Variants in RAPGEF6 observed in about 807,000 individuals in gnomAD.
RAPGEF6 encodes Rap guanine nucleotide exchange factor 6, also known as PDZ domain containing guanine nucleotide exchange factor (GEF) 2.
RAPGEF6 carries 56 observed loss-of-function variants against 171.4 expected under a neutral mutation model. That is an observed-to-expected ratio of 0.33 (90% CI 0.26 to 0.41). RAPGEF6 has a LOEUF of 0.41. RAPGEF6 is among the 10% of genes least tolerant of loss of function. The pLI is 1.00. For synonymous variants in RAPGEF6, 692 were observed against 650.1 expected (o/e 1.06, Z -0.98); for missense variants, 1,674 against 1,921.4 (o/e 0.87, Z 2.41).
intron 1 of RAPGEF6, among the ~76,000 whole-genome samples, chr5:131,615,571 G>C (rs542628698): frequency 6.6e-6 from 1 of 152,126 alleles, no homozygotes; most frequent in East Asian, 1.9e-4. Context: ...AATCATTTAC[G>C]CTGAATGCAC....
At chr5:131,530,216 A>T (rs1287340115) in intron 6 of RAPGEF6, among the ~76,000 whole-genome samples, 2 of 152,014 alleles carry the variant, frequency 1.3e-5, no homozygotes, top group African/African-American at 2.4e-5. Flanking sequence ...AAAAAAAAGC[A>T]TGAGCTCAGA....
Position 131,427,068 on chromosome 5 carries a change from A to G in RAPGEF6, c.*198T>C, listed in dbSNP as rs1751426119. On this transcript the variant is annotated 3_prime_UTR_variant, in exon 28 of 28. Transcript: ENST00000509018. The stretch of plus-strand genomic sequence containing the variant: ...TATCCAGGCATAGCATCCATTGCTC[A>G]GGAAACTATTTATCTGCAGAAATTA... The G allele has an allele frequency of 1.6e-5, 10 of 626,146 alleles. No individual in the cohort carries two copies. Among genetic ancestry groups the G allele is most frequent in the Non-Finnish European group, 2.8e-5 (10 of 355,286 alleles). 38.8% of individuals were successfully genotyped at this position (626,146 alleles called of 1,614,324 possible). A position where few individuals can be genotyped will look rare whatever the true frequency, so the allele number is the denominator to read the frequency against.
intron 21 of RAPGEF6, among the ~76,000 whole-genome samples, chr5:131,452,600 T>C (rs1753171357): frequency 6.6e-6 from 1 of 151,232 alleles, no homozygotes; most frequent in African/African-American, 2.4e-5. Context: ...ACAAGATGAA[T>C]ATCAGCAATT....
In RAPGEF6 at chr5:131,634,983, C is replaced by A; in HGVS notation, c.48G>T (p.Lys16Asn). ...DPGARQALRK[K>N]PPERTPEDLN... ...TCACCTCGGGAGTCCGCTCGGGTGG[C>A]TTCTTCCTCAACGCCTGCCTAGCGC... Residue 16 changes from lysine (K) to asparagine (N), a missense_variant, in exon 1 of 28, where the codon AAG becomes AAT. By Grantham distance (94) the Lys-to-Asn change is moderately conservative. Around this residue, in one of 3 missense-constraint regions of RAPGEF6, gnomAD observed 1,116 missense variants for 1,321.5 expected, o/e 0.84. Coordinates refer to ENST00000509018, the MANE Select transcript of RAPGEF6 (RefSeq NM_016340.6). 2 of 1,614,044 alleles carry A rather than the reference C, an allele frequency of 1.2e-6. No individual in the cohort carries two copies. The highest frequency in any genetic ancestry group is 1.7e-6 in the Non-Finnish European group (2 of 1,179,894).
intron 16 of RAPGEF6, among the ~76,000 whole-genome samples, chr5:131,477,995 T>C (rs1755224236): frequency 6.6e-6 from 1 of 152,168 alleles, no homozygotes. Flanking sequence ...CGATCCCCAT[T>C]TGTGAGACCA....
intron 9 of RAPGEF6, among the ~76,000 whole-genome samples, chr5:131,506,291 C>T (rs771732746): frequency 1.3e-5 from 2 of 152,162 alleles, no homozygotes; most frequent in Non-Finnish European, 2.9e-5. Context: ...CAGGTGTCCA[C>T]CACCATGCTT....
At position 131,455,868 on chromosome 5, in the gene RAPGEF6, T is replaced by A. The variant is rs912437142; in HGVS notation, c.3009A>T (p.Gln1003His). The A allele has an allele frequency of 2.2e-5, 35 of 1,613,848 alleles. No individual in the cohort carries two copies. The highest frequency in any genetic ancestry group is 3.3e-5 in the Admixed American group (2 of 60,002). ...MAKYRNILSS[Q>H]SMQPPIIPLF... ...GTGGAATAATTGGAGGCTGCATACT[T>A]TGACTACTAAGAATATTTCTATACT... Residue 1003 changes from glutamine (Q) to histidine (H), a missense_variant, in exon 20 of 28, where the codon CAA becomes CAT. By Grantham distance (24) the Gln-to-His change is conservative. This residue lies in a region of RAPGEF6 where 1,116 missense variants were observed against 1,321.5 expected (regional missense o/e 0.84). Coordinates refer to ENST00000509018, the MANE Select transcript of RAPGEF6 (RefSeq NM_016340.6).
At chr5:131,527,648 A>C (rs1462869561) in intron 6 of RAPGEF6, among the ~76,000 whole-genome samples, 1 of 152,142 alleles carries the variant, frequency 6.6e-6, no homozygotes, top group East Asian at 1.9e-4. Flanking sequence ...TACACACAAG[A>C]GATAGGAGAC....
intron 6 of RAPGEF6, 90 bp from the exon 7 acceptor site, chr5:131,521,611 T>G: frequency 1.7e-6 from 2 of 1,151,956 alleles, no homozygotes; most frequent in Non-Finnish European, 2.4e-6. Flanking sequence ...TTATGTACAT[T>G]ACTGTGCAAT....
chr5:131,533,730 C>T (rs1253835493), intron 6 of RAPGEF6, among the ~76,000 whole-genome samples: 4 of 152,146 alleles, frequency 2.6e-5, no homozygotes, highest in African/African-American at 9.6e-5. Flanking sequence ...GAATAATCTA[C>T]ACAACATGGT....
At chr5:131,482,401 C>T (rs1358052427) in intron 15 of RAPGEF6, among the ~76,000 whole-genome samples, 1 of 152,150 alleles carries the variant, frequency 6.6e-6, no homozygotes, top group Non-Finnish European at 1.5e-5. Context: ...TTTATGGGCT[C>T]ATCTGATCCT....
At chr5:131,583,744 T>G (rs1182165226) in intron 4 of RAPGEF6, among the ~76,000 whole-genome samples, 1 of 152,208 alleles carries the variant, frequency 6.6e-6, no homozygotes, top group African/African-American at 2.4e-5. Flanking sequence ...TTCCTGAATT[T>G]GTCTTTTCCC....
intron 25 of RAPGEF6, 67 bp downstream of exon 25, chr5:131,433,363 G>C: frequency 7.1e-7 from 1 of 1,406,066 alleles, no homozygotes; most frequent in Non-Finnish European, 1.0e-6. Context: ...GGTCAAGGTG[G>C]GGAGCACTCC....
At chr5:131,435,334 A>G (rs930082118) in intron 24 of RAPGEF6, among the ~76,000 whole-genome samples, 5 of 152,208 alleles carry the variant, frequency 3.3e-5, no homozygotes, top group Non-Finnish European at 7.3e-5. Context: ...TGATTAGTCA[A>G]TTTTTAAGAG....
chr5:131,614,295 A>AAAG (rs1163893318), intron 1 of RAPGEF6, among the ~76,000 whole-genome samples: 7 of 146,168 alleles, frequency 4.8e-5, no homozygotes, highest in Admixed American at 2.1e-4. Flanking sequence ...AAAAAAAAAA[A>AAAG]AAAAAAAGAA....
chr5:131,427,678 G>A (rs1452116528), intron 27 of RAPGEF6, among the ~76,000 whole-genome samples: 1 of 152,118 alleles, frequency 6.6e-6, no homozygotes, highest in Non-Finnish European at 1.5e-5. Context: ...ATGCATTAAG[G>A]TAAAATACAA....
chr5:131,515,067 A>G (rs1203388540), intron 7 of RAPGEF6, among the ~76,000 whole-genome samples: 1 of 152,130 alleles, frequency 6.6e-6, no homozygotes, highest in East Asian at 1.9e-4. Context: ...CAAATAAACC[A>G]CCAGAGGATA....
At chr5:131,576,180 C>T (rs561051649) in intron 4 of RAPGEF6, among the ~76,000 whole-genome samples, 21 of 152,196 alleles carry the variant, frequency 1.4e-4, no homozygotes, top group Non-Finnish European at 2.8e-4. Flanking sequence ...CCCATATTTC[C>T]CTCTTTCCTG....
At chr5:131,528,470 GA>G (rs1054200206) in intron 6 of RAPGEF6, among the ~76,000 whole-genome samples, 1 of 150,020 alleles carries the variant, frequency 6.7e-6, no homozygotes. Flanking sequence ...TGAGGTATGT[GA>G]AACTACAAGA....
Sources: gnomAD v4.1 joint callset for allele counts (sites outside exome capture counted in the v4.1 genomes callset) on GRCh38, gnomAD v4.1.1 for gene constraint, gnomAD v4.1.1 regional missense constraint, MANE v1.5 for transcripts, NCBI Gene and HGNC (gene_info 2026-07-23, HGNC 2026-07-21) for gene names.